TUFT1: variants seen among roughly 807,000 people sequenced by gnomAD.
TUFT1 encodes tuftelin 1, also known as tuftelin.
Under a neutral mutation model 57.8 loss-of-function variants are expected in TUFT1, and 43 were observed. That is an observed-to-expected ratio of 0.74 (90% confidence interval 0.58 to 0.96). The LOEUF is 0.96. TUFT1 is among the 40% of genes least tolerant of loss of function. TUFT1 has a pLI of 0.00. For missense variants in TUFT1, 459 were observed against 489.0 expected (o/e 0.94, Z 0.58); for synonymous variants, 166 against 176.7 (o/e 0.94, Z 0.48).
chr1:151,541,037 C>A (rs9651181), intron 1 of TUFT1: 32,513 of 152,242 alleles, frequency 0.21, 3,918 homozygotes, highest in Non-Finnish European at 0.29. Context: ...GCCCGGGGGT[C>A]ACCTCTTGTC....
In TUFT1 at chr1:151,574,930, C is replaced by T. The variant is rs908874712; in HGVS notation, c.743C>T (p.Ala248Val). ...ACCCAGGAGCATCAGGCCTTACTGG[C>T]GAAAGTGAGGGAAGGGGAGGTGGCC... The part of the protein sequence containing the change: ...GMETEHQALL[A>V]KVREGEVALE... The change falls in exon 9 of 13, where the codon GCG (alanine) becomes GTG (valine). Residue 248 changes from alanine to valine, a missense_variant. Coordinates refer to ENST00000368849, the MANE Select transcript of TUFT1 (RefSeq NM_020127.3). 3.2e-6 allele frequency: 5 copies of T among 1,574,740 alleles called. No homozygotes were observed. The highest frequency in any genetic ancestry group is 4.6e-5 in the East Asian group (2 of 43,046).
chr1:151,540,593 T>G, intron 1 of TUFT1, 167 bp downstream of exon 1: 1 of 733,022 alleles, frequency 1.4e-6, no homozygotes, highest in East Asian at 2.8e-5. Flanking sequence ...CGACGGGCAG[T>G]GGGAGTCGCG....
At chr1:151,552,315 C>T (rs1306586384) in intron 1 of TUFT1, among the ~76,000 whole-genome samples, 4 of 152,172 alleles carry the variant, frequency 2.6e-5, no homozygotes, top group African/African-American at 9.7e-5. Flanking sequence ...TTCTAGTATA[C>T]ATGCTTTTAT....
At chr1:151,567,239 G>A (rs1666113824) in intron 6 of TUFT1, among the ~76,000 whole-genome samples, 1 of 150,486 alleles carries the variant, frequency 6.6e-6, no homozygotes, top group African/African-American at 2.4e-5. Context: ...TTTGGGACAG[G>A]GTCTCCCTAT....
chr1:151,581,843 C>T lies in TUFT1; in HGVS notation c.*136C>T, dbSNP rs1395482136. 12 of 874,480 alleles carry T rather than the reference C, an allele frequency of 1.4e-5. No individual in the cohort carries two copies. Among genetic ancestry groups the T allele is most frequent in the Admixed American group, 2.0e-5 (1 of 48,800 alleles). The allele number at this position is 874,480 out of a possible 1,614,324, so 54.2% of individuals were successfully genotyped here. Reference sequence around the variant, plus strand: ...CCCAGGACTTCGGGCTCCTGTGTCTCACCATTCCCAAGCCCCTGGCCACTC... The same window carrying T: ...CCCAGGACTTCGGGCTCCTGTGTCTTACCATTCCCAAGCCCCTGGCCACTC... On this transcript the variant is annotated 3_prime_UTR_variant, in exon 13 of 13. Coordinates refer to ENST00000368849, the MANE Select transcript of TUFT1 (RefSeq NM_020127.3).
intron 6 of TUFT1, among the ~76,000 whole-genome samples, chr1:151,566,728 G>T (rs1320505282): frequency 6.6e-6 from 1 of 151,926 alleles, no homozygotes. Context: ...ATAAATATAT[G>T]TATATAATAT....
In TUFT1 at chr1:151,561,287, C is replaced by T. The variant is rs567735867; in HGVS notation, c.61-804C>T. 2.2e-4 allele frequency among the ~76,000 whole-genome samples: 33 copies of T among 152,160 alleles called. No homozygotes were observed. In the East Asian group the frequency reaches 4.5e-3, roughly 21 times the overall value. The stretch of plus-strand genomic sequence containing the variant: ...TGCTGGGATTACAGGCGTGAGCCAC[C>T]GTGCCCGGCCTTTTTAAAAAAATCT... On this transcript the variant is annotated intron_variant, in intron 1 of 12. Coordinates refer to ENST00000368849, the MANE Select transcript of TUFT1 (RefSeq NM_020127.3).
chr1:151,572,797 C>T (rs965130859), intron 7 of TUFT1, among the ~76,000 whole-genome samples: 3 of 152,184 alleles, frequency 2.0e-5, no homozygotes, highest in Admixed American at 6.5e-5. Context: ...AGCATGGACA[C>T]GTCCCATCAC....
intron 6 of TUFT1, among the ~76,000 whole-genome samples, chr1:151,566,536 T>A (rs964876795): frequency 6.6e-6 from 1 of 152,134 alleles, no homozygotes; most frequent in Non-Finnish European, 1.5e-5. Context: ...CTGGGTCCCA[T>A]CCCTAGAGCT....
intron 3 of TUFT1, 118 bp downstream of exon 3, chr1:151,562,804 C>T: frequency 1.3e-6 from 1 of 781,596 alleles, no homozygotes; most frequent in Non-Finnish European, 2.1e-6. Context: ...AGGAACCAGA[C>T]CTGAGCTGCT....
chr1:151,558,880 G>C (rs1433507381), intron 1 of TUFT1, among the ~76,000 whole-genome samples: 1 of 151,800 alleles, frequency 6.6e-6, no homozygotes, highest in East Asian at 1.9e-4. Context: ...CACCTCCTAG[G>C]TTCAAGCGAT....
intron 1 of TUFT1, among the ~76,000 whole-genome samples, chr1:151,545,368 G>A (rs1387682533): frequency 6.6e-6 from 1 of 152,188 alleles, no homozygotes; most frequent in Non-Finnish European, 1.5e-5. Context: ...GCTCTAATCA[G>A]GCTTTGATGT....
chr1:151,559,223 C>T (rs1334447367), intron 1 of TUFT1, among the ~76,000 whole-genome samples: 1 of 152,176 alleles, frequency 6.6e-6, no homozygotes, highest in Non-Finnish European at 1.5e-5. Context: ...ATTCTCTGTG[C>T]ATTCAGAAAA....
chr1:151,565,185 G>A (rs1176765425), intron 5 of TUFT1, among the ~76,000 whole-genome samples: 2 of 152,200 alleles, frequency 1.3e-5, no homozygotes, highest in African/African-American at 4.8e-5. Flanking sequence ...GGATGTAGAA[G>A]GCATCAGTAA....
At chr1:151,573,789 A>G (rs1163898056) in intron 7 of TUFT1, among the ~76,000 whole-genome samples, 1 of 152,220 alleles carries the variant, frequency 6.6e-6, no homozygotes, top group African/African-American at 2.4e-5. Flanking sequence ...ATTCTTCCTG[A>G]TGCTTAGTAG....
chr1:151,581,649 G>C lies in TUFT1; in HGVS notation c.1115G>C (p.Arg372Thr). ...GTTTCCAACCTTCTTTTCAGTATTA[G>C]GATATCCAAGCCGCCTAGCCCGAAG... ...RAKTENPGSI[R>T]ISKPPSPKPM... The change falls in exon 13 of 13, where the codon AGG becomes ACG. Residue 372 changes from arginine (R) to threonine (T), a missense_variant. Physicochemically the swap from Arg to Thr is moderately conservative, Grantham distance 71. Coordinates refer to ENST00000368849, the MANE Select transcript of TUFT1 (RefSeq NM_020127.3). 1 of 1,614,176 alleles carries C rather than the reference G, an allele frequency of 6.2e-7. No individual in the cohort carries two copies. Among genetic ancestry groups the C allele is most frequent in the Non-Finnish European group, 8.5e-7 (1 of 1,180,028 alleles).
intron 1 of TUFT1, among the ~76,000 whole-genome samples, chr1:151,554,804 A>G (rs565692567): frequency 1.6e-5 from 2 of 126,706 alleles, no homozygotes; most frequent in South Asian, 5.1e-4. Flanking sequence ...CCAGAGTTCA[A>G]GCGATCCTCC....
At chr1:151,576,926 A>C (rs1666485904) in intron 9 of TUFT1, among the ~76,000 whole-genome samples, 1 of 152,032 alleles carries the variant, frequency 6.6e-6, no homozygotes, top group African/African-American at 2.4e-5. Context: ...CGCCTGGACT[A>C]CTTATTTTTT....
chr1:151,576,732 A>C (rs1666475619), intron 9 of TUFT1, among the ~76,000 whole-genome samples: 1 of 152,074 alleles, frequency 6.6e-6, no homozygotes, highest in Non-Finnish European at 1.5e-5. Flanking sequence ...TCCTGGGTTC[A>C]GCCTCAGCCT....
Sources: allele counts gnomAD v4.1 joint callset (sites outside exome capture counted in the v4.1 genomes callset), GRCh38; gene constraint gnomAD v4.1.1; transcripts MANE v1.5; gene names NCBI Gene and HGNC (gene_info 2026-07-23, HGNC 2026-07-21).